Variants in PROSER1 observed in about 807,000 individuals in gnomAD.
PROSER1 encodes the protein proline and serine-rich protein 1.
Under a neutral mutation model 71.8 loss-of-function variants are expected in PROSER1, and 36 were observed. The observed-to-expected ratio is 0.50, with a 90% confidence interval of 0.38 to 0.66. PROSER1 has a LOEUF of 0.66. Ranked by LOEUF, PROSER1 falls within the 30% of genes least tolerant of loss-of-function variation. PROSER1 has a pLI of 0.00. For missense variants in PROSER1, 1,107 were observed against 1,135.0 expected, an observed-to-expected ratio of 0.98 and a Z score of 0.35; for synonymous variants, 490 against 452.4, an observed-to-expected ratio of 1.08 and a Z score of -1.06.
At chr13:39,030,761 G>A (rs1262927479) in intron 3 of PROSER1, among the ~76,000 whole-genome samples, 1 of 151,944 alleles carries the variant, frequency 6.6e-6, no homozygotes, top group Non-Finnish European at 1.5e-5. Flanking sequence ...CTCTCTCTTT[G>A]CTTTGCTCTC....
At position 39,011,047 on chromosome 13, in the gene PROSER1, T is replaced by C; in HGVS notation, c.*318A>G. ...GCATATTTAAGGCTGTATTCGGCTA[T>C]AAAGAGTTCAACCTACTCTTTAATA... On this transcript the variant is annotated 3_prime_UTR_variant, in exon 13 of 13. Coordinates refer to ENST00000352251, the MANE Select transcript of PROSER1 (RefSeq NM_025138.5). 1 of 240,470 alleles carries C rather than the reference T, an allele frequency of 4.2e-6. No individual in the cohort carries two copies. The highest frequency in any genetic ancestry group is 8.1e-6 in the Non-Finnish European group (1 of 123,144). 14.9% of individuals were successfully genotyped at this position (240,470 alleles called of 1,614,324 possible).
Position 39,019,099 on chromosome 13 carries a change from TCAAA to T in PROSER1, c.731-1559_731-1556del, listed in dbSNP as rs1343436054. On this transcript the variant is annotated intron_variant, in intron 9 of 12. Transcript: ENST00000352251. ...ATAACAGGCACATCAAGACAAAGAA[TCAAA>T]CAAACAGAAGAAACAGTAACAAGTC... Among the ~76,000 whole-genome samples the T allele has an allele frequency of 3.9e-5, 6 of 152,010 alleles. 1 individual carries two copies. In the South Asian group the frequency reaches 6.2e-4, roughly 16 times the overall value.
rs1869557837 is a variant in PROSER1 at position 39,009,943 on chromosome 13, T to C, written c.*1422A>G. On this transcript the variant is annotated 3_prime_UTR_variant, in exon 13 of 13. Coordinates refer to ENST00000352251, the MANE Select transcript of PROSER1 (RefSeq NM_025138.5). ...TCCAGCAACTGGTATCAGATTAAAC[T>C]ATAGCTTACATTCTGTGTTTAAAGA... 6.6e-6 allele frequency: 1 copy of C among 152,666 alleles called. No homozygotes were observed. The highest frequency in any genetic ancestry group is 2.4e-5 in the African/African-American group (1 of 41,460). The allele number at this position is 152,666 out of a possible 1,614,324, so 9.5% of individuals were successfully genotyped here.
At position 39,009,907 on chromosome 13, in the gene PROSER1, A is replaced by G. The variant is rs1163651681; in HGVS notation, c.*1458T>C. The G allele has an allele frequency of 6.6e-6, 1 of 152,652 alleles. No homozygotes were observed. The highest frequency in any genetic ancestry group is 1.5e-5 in the Non-Finnish European group (1 of 68,038). The allele number at this position is 152,652 out of a possible 1,614,324, so 9.5% of individuals were successfully genotyped here. ...TTATGGGTATAGATTTAAGAAAAAC[A>G]AATGGCAACTTCCAGCAACTGGTAT... On this transcript the variant is annotated 3_prime_UTR_variant, in exon 13 of 13. Coordinates refer to ENST00000352251, the MANE Select transcript of PROSER1 (RefSeq NM_025138.5).
At chr13:39,024,606 C>G (rs1337928753) in intron 6 of PROSER1, 50 bp from the exon 7 acceptor site, 1 of 1,363,334 alleles carries the variant, frequency 7.3e-7, no homozygotes, top group Non-Finnish European at 1.0e-6. Flanking sequence ...AAAAAACCCT[C>G]AAACCAGTAA....
chr13:39,029,758 C>T (rs1300872566), intron 3 of PROSER1, among the ~76,000 whole-genome samples: 1 of 152,080 alleles, frequency 6.6e-6, no homozygotes, highest in East Asian at 1.9e-4. Flanking sequence ...CTATACTCCT[C>T]AGTTAGAGGG....
chr13:39,021,234 C>T (rs1870274329), intron 9 of PROSER1, among the ~76,000 whole-genome samples: 1 of 152,160 alleles, frequency 6.6e-6, no homozygotes, highest in South Asian at 2.1e-4. Context: ...TGATAAACTG[C>T]CTTTGTGCAG....
intron 6 of PROSER1, 59 bp downstream of exon 6, chr13:39,026,218 T>A (rs930188607): frequency 9.3e-7 from 1 of 1,077,464 alleles, no homozygotes. Flanking sequence ...CATTAACTTA[T>A]TCTACACTTC....
intron 6 of PROSER1, among the ~76,000 whole-genome samples, chr13:39,025,263 G>T (rs1028343758): frequency 6.6e-6 from 1 of 152,190 alleles, no homozygotes; most frequent in Non-Finnish European, 1.5e-5. Context: ...TAACAGATCA[G>T]AATAAGTTGA....
At position 39,013,178 on chromosome 13, in the gene PROSER1, G is replaced by C; in HGVS notation, c.2074C>G (p.Pro692Ala). ...AAAGAAGGAAGAGCAGTGAATACTGGTGCAATGGGAGTGGAGGAACCATGT... is the reference window on the plus strand; with the variant it reads ...AAAGAAGGAAGAGCAGTGAATACTGCTGCAATGGGAGTGGAGGAACCATGT... ...PPHGSSTPIAPVFTALPSFTS... is the reference protein window; with the variant it reads ...PPHGSSTPIAAVFTALPSFTS... The change falls in exon 11 of 13, where the codon CCA (proline) becomes GCA (alanine). Residue 692 changes from proline (P) to alanine (A), a missense_variant. Pro to Ala is a conservative substitution (Grantham distance 27). Coordinates refer to ENST00000352251, the MANE Select transcript of PROSER1 (RefSeq NM_025138.5). 1.2e-6 allele frequency: 2 copies of C among 1,614,054 alleles called. No homozygotes were observed. Among genetic ancestry groups the C allele is most frequent in the Non-Finnish European group, 1.7e-6 (2 of 1,179,948 alleles).
At chr13:39,023,329 T>C in intron 7 of PROSER1, 199 bp from the exon 8 acceptor site, 1 of 511,352 alleles carries the variant, frequency 2.0e-6, no homozygotes, top group Non-Finnish European at 3.5e-6. Context: ...AATGCAGATC[T>C]TGCCAAAGAT....
At chr13:39,035,781 T>C (rs566629658) in intron 1 of PROSER1, among the ~76,000 whole-genome samples, 7 of 152,354 alleles carry the variant, frequency 4.6e-5, no homozygotes, top group Admixed American at 3.3e-4. Context: ...CAAAGAACGA[T>C]TTTTAAGAAA....
Position 39,028,389 on chromosome 13 carries a change from T to G in PROSER1, c.276-69A>C, listed in dbSNP as rs933500425. 6.1e-6 allele frequency: 5 copies of G among 821,054 alleles called. No homozygotes were observed. The African/African-American group carries it at 8.4e-5, about 14-fold the overall frequency. The allele number at this position is 821,054 out of a possible 1,614,324, so 50.9% of individuals were successfully genotyped here. A position where few individuals can be genotyped will look rare whatever the true frequency, so the allele number is the denominator to read the frequency against. On this transcript the variant is annotated intron_variant, in intron 4 of 12. Transcript: ENST00000352251. Reference sequence around the variant, plus strand: ...CATACATCGAGGTAAGCAACCTTTGTTTACCACACAAACATCTGAGTAAGC... The same window carrying G: ...CATACATCGAGGTAAGCAACCTTTGGTTACCACACAAACATCTGAGTAAGC...
intron 12 of PROSER1, 65 bp from the exon 13 acceptor site, chr13:39,011,552 T>TA: frequency 6.5e-7 from 1 of 1,538,266 alleles, no homozygotes; most frequent in South Asian, 1.1e-5. Context: ...CGCTTGCTTC[T>TA]ACCCATGCCA....
chr13:39,023,467 A>G (rs181993459), intron 7 of PROSER1: 20 of 189,470 alleles, frequency 1.1e-4, no homozygotes, highest in Admixed American at 6.2e-4. Flanking sequence ...CCTACATAAC[A>G]AAGACAAGAA....
chr13:39,021,309 G>A (rs1307530400), intron 9 of PROSER1, among the ~76,000 whole-genome samples: 2 of 152,152 alleles, frequency 1.3e-5, no homozygotes, highest in Non-Finnish European at 2.9e-5. Context: ...GTTTCTGACA[G>A]TTCCTTTGCT....
intron 3 of PROSER1, among the ~76,000 whole-genome samples, chr13:39,030,990 A>C (rs919067576): frequency 2.0e-5 from 3 of 152,170 alleles, no homozygotes; most frequent in African/African-American, 7.2e-5. Context: ...TCCAGGCCTG[A>C]TATTGCTTCA....
At chr13:39,019,629 G>A (rs1870195436) in intron 9 of PROSER1, among the ~76,000 whole-genome samples, 1 of 151,596 alleles carries the variant, frequency 6.6e-6, no homozygotes, top group Non-Finnish European at 1.5e-5. Flanking sequence ...GTAATCATTG[G>A]CGATATTAGA....
rs546387716 is a variant in PROSER1 at position 39,010,979 on chromosome 13, G to A, written c.*386C>T. The A allele has an allele frequency of 4.5e-4, 80 of 178,618 alleles. No homozygotes were observed. Among genetic ancestry groups the A allele is most frequent in the Non-Finnish European group, 8.2e-4 (70 of 85,068 alleles). The allele number at this position is 178,618 out of a possible 1,614,324, so 11.1% of individuals were successfully genotyped here. A position where few individuals can be genotyped will look rare whatever the true frequency, so the allele number is the denominator to read the frequency against. ...CCCCAGGGCCACATGCAACCCCCAA[G>A]TCTGAGGCACAACTATTACTTCTGC... On this transcript the variant is annotated 3_prime_UTR_variant, in exon 13 of 13. Coordinates refer to ENST00000352251, the MANE Select transcript of PROSER1 (RefSeq NM_025138.5).
Sources: gnomAD v4.1 joint callset for allele counts (sites outside exome capture counted in the v4.1 genomes callset) on GRCh38, gnomAD v4.1.1 for gene constraint, MANE v1.5 for transcripts, NCBI Gene and HGNC (gene_info 2026-07-23, HGNC 2026-07-21) for gene names.